The following C11orf54 variants were observed in gnomAD, a reference collection of about 807,000 sequenced individuals.
C11orf54 encodes the protein beta-keto L-gulonate decarboxylase.
Under a neutral mutation model 35.5 loss-of-function variants are expected in C11orf54, and 29 were observed. The observed-to-expected ratio is 0.82, with a 90% CI of 0.61 to 1.11. The LOEUF (loss-of-function observed/expected upper bound fraction) is 1.11, where lower values mean the gene tolerates loss of function less well. Ranked by LOEUF, C11orf54 falls within the 50% of genes most tolerant of loss-of-function variation. The pLI is 0.00. For missense variants in C11orf54, 373 were observed against 369.2 expected, an observed-to-expected ratio of 1.01 and a Z score of -0.08; for synonymous variants, 108 against 121.1, an observed-to-expected ratio of 0.89 and a Z score of 0.71.
chr11:93,751,842 T>TG (rs1292143647), intron 3 of C11orf54, among the ~76,000 whole-genome samples: 15 of 138,480 alleles, frequency 1.1e-4, no homozygotes, highest in Non-Finnish European at 1.7e-4. Context: ...TTTTTTTTTT[T>TG]TGTGTGTGTG....
chr11:93,746,655 A>C (rs1192706302), intron 1 of C11orf54: 2 of 152,248 alleles, frequency 1.3e-5, no homozygotes, highest in Non-Finnish European at 2.9e-5. Context: ...GTTTATTTGT[A>C]AATGAAAATA....
intron 7 of C11orf54, 62 bp from the exon 8 acceptor site, chr11:93,759,680 T>A: frequency 1.2e-6 from 1 of 804,240 alleles, no homozygotes; most frequent in Non-Finnish European, 1.8e-6. Flanking sequence ...AATATATTTT[T>A]AAAATTTTTA....
intron 8 of C11orf54, 91 bp from the exon 9 acceptor site, chr11:93,761,424 T>C: frequency 8.2e-7 from 1 of 1,223,504 alleles, no homozygotes; most frequent in African/African-American, 1.5e-5. Context: ...ATTTAAAAAA[T>C]AAAAACTATT....
chr11:93,755,524 G>C (rs1254828591), intron 6 of C11orf54, 138 bp downstream of exon 6: 1 of 878,306 alleles, frequency 1.1e-6, no homozygotes, highest in Non-Finnish European at 1.7e-6. Context: ...TGGATAACTT[G>C]AGGTCAACTT....
chr11:93,752,785 G>T (rs1942913931), intron 3 of C11orf54, among the ~76,000 whole-genome samples: 1 of 117,954 alleles, frequency 8.5e-6, no homozygotes. Flanking sequence ...GTCTCGCTCT[G>T]TCACCCAGGC....
At chr11:93,759,943 G>GTTT in intron 8 of C11orf54, 85 bp downstream of exon 8, 1 of 811,992 alleles carries the variant, frequency 1.2e-6, no homozygotes, top group Non-Finnish European at 1.9e-6. Context: ...GCACTTTTGT[G>GTTT]TTTGTTGTTG....
At chr11:93,747,062 G>C (rs1942508808) in intron 1 of C11orf54, 1 of 164,122 alleles carries the variant, frequency 6.1e-6, no homozygotes, top group Non-Finnish European at 1.3e-5. Context: ...AGGATGGCTT[G>C]AGGCCAGGAA....
Position 93,762,168 on chromosome 11 carries a change from GTATT to G in C11orf54, c.*483_*486del, listed in dbSNP as rs1565279332. ...GGAATCATGCAATTATTTCTACTAT[GTATT>G]TAGTAGTATCTTATATTTGTATAAC... is the stretch of plus-strand genomic sequence containing the variant. On this transcript the variant is annotated 3_prime_UTR_variant, in exon 9 of 9. Coordinates refer to ENST00000354421, the MANE Select transcript of C11orf54 (RefSeq NM_001286069.2). 6.6e-6 allele frequency: 1 copy of G among 151,990 alleles called. No individual in the cohort carries two copies. Among genetic ancestry groups the G allele is most frequent in the Non-Finnish European group, 1.5e-5 (1 of 68,030 alleles). 9.4% of individuals were successfully genotyped at this position (151,990 alleles called of 1,614,324 possible). A position where few individuals can be genotyped will look rare whatever the true frequency, so the allele number is the denominator to read the frequency against.
intron 6 of C11orf54, among the ~76,000 whole-genome samples, chr11:93,755,731 C>T (rs967557086): frequency 2.1e-5 from 3 of 145,804 alleles, no homozygotes; most frequent in Non-Finnish European, 4.5e-5. Context: ...CCAGTCTGGG[C>T]CACTGAGTGA....
chr11:93,750,481 C>A, intron 3 of C11orf54, 37 bp downstream of exon 3: 1 of 1,423,018 alleles, frequency 7.0e-7, no homozygotes, highest in Non-Finnish European at 9.9e-7. Flanking sequence ...GTTTTTTAGT[C>A]ATAATCTTTT....
chr11:93,747,504 T>C lies in C11orf54; in HGVS notation c.55+56T>C, dbSNP rs937781469. On this transcript the variant is annotated intron_variant, in intron 2 of 8. Transcript: ENST00000354421. ...AAATTATCCCAAGAGAAAATTCTTT[T>C]AAAAAGATTCTAAGATCTATCTATA... is the stretch of plus-strand genomic sequence containing the variant. 11 of 1,384,326 alleles carry C rather than the reference T, an allele frequency of 7.9e-6. No homozygotes were observed. In the East Asian group the frequency reaches 1.9e-4, roughly 24 times the overall value. The allele number at this position is 1,384,326 out of a possible 1,614,324, so 85.8% of individuals were successfully genotyped here.
chr11:93,760,616 A>T (rs532557522), intron 8 of C11orf54, among the ~76,000 whole-genome samples: 3 of 152,210 alleles, frequency 2.0e-5, no homozygotes, highest in Non-Finnish European at 2.9e-5. Context: ...AATATTACAG[A>T]CCAATTCAAA....
chr11:93,749,570 T>G (rs1355101938), intron 2 of C11orf54, among the ~76,000 whole-genome samples: 2 of 150,358 alleles, frequency 1.3e-5, no homozygotes, highest in African/African-American at 4.9e-5. Flanking sequence ...TCCCAGCACT[T>G]TGGGGGACCC....
chr11:93,759,630 G>A (rs1159178505), intron 7 of C11orf54, 112 bp from the exon 8 acceptor site: 1 of 450,078 alleles, frequency 2.2e-6, no homozygotes, highest in East Asian at 4.6e-5. Context: ...ATGTAACCCA[G>A]AACTTCAAGT....
intron 1 of C11orf54, chr11:93,742,287 A>ATTTTTT (rs60416724): frequency 6.8e-6 from 1 of 146,080 alleles, no homozygotes; most frequent in Non-Finnish European, 1.5e-5. Flanking sequence ...TCCCAAAGTA[A>ATTTTTT]TTTTTTTTTT....
intron 2 of C11orf54, among the ~76,000 whole-genome samples, chr11:93,748,600 C>T (rs1942613253): frequency 1.3e-5 from 2 of 152,072 alleles, no homozygotes; most frequent in Admixed American, 1.3e-4. Flanking sequence ...CTTTAGGAGG[C>T]CAAGGTGGAC....
At position 93,753,945 on chromosome 11, in the gene C11orf54, C is replaced by T; in HGVS notation, c.238C>T (p.Leu80=). 6.2e-7 allele frequency: 1 copy of T among 1,613,800 alleles called. No homozygotes were observed. Among genetic ancestry groups the T allele is most frequent in the Non-Finnish European group, 8.5e-7 (1 of 1,179,790 alleles). The change falls in exon 5 of 9, where the codon CTG becomes TTG. Residue 80 remains leucine, a synonymous_variant. Transcript: ENST00000354421. ...PLVNQKKVYD[L]NKIAKEIKLP... ...TTTTCCTCTTCTATAGGTTTATGAT[C>T]TGAATAAAATTGCAAAAGAAATCAA...
chr11:93,756,188 A>G (rs397839651), intron 6 of C11orf54, among the ~76,000 whole-genome samples: 1 of 132,294 alleles, frequency 7.6e-6, no homozygotes, highest in Non-Finnish European at 1.6e-5. Flanking sequence ...AAAAAAAAAA[A>G]AAGAATAGTA....
rs1318662925 is a variant in C11orf54, at chr11:93,761,762, A to G, written c.*74A>G. ...GATTGACTTATTAATTAATACTGAT[A>G]TAAAACCAATAGAAATGATCCCACA... On this transcript the variant is annotated 3_prime_UTR_variant, in exon 9 of 9. Coordinates refer to ENST00000354421, the MANE Select transcript of C11orf54 (RefSeq NM_001286069.2). 7.4e-7 allele frequency: 1 copy of G among 1,348,100 alleles called. No individual in the cohort carries two copies. The highest frequency in any genetic ancestry group is 1.0e-6 in the Non-Finnish European group (1 of 1,004,346). 83.5% of individuals were successfully genotyped at this position (1,348,100 alleles called of 1,614,324 possible). A position where few individuals can be genotyped will look rare whatever the true frequency, so the allele number is the denominator to read the frequency against.
Sources: gnomAD v4.1 joint callset for allele counts (sites outside exome capture counted in the v4.1 genomes callset) on GRCh38, gnomAD v4.1.1 for gene constraint, MANE v1.5 for transcripts, NCBI Gene and HGNC (gene_info 2026-07-23, HGNC 2026-07-21) for gene names.